The following THG1L variants were observed in gnomAD, a reference collection of about 807,000 sequenced individuals.
THG1L encodes probable tRNA(His) guanylyltransferase.
In THG1L, 27 loss-of-function variants were observed where a neutral mutation model predicts 35.2. The observed-to-expected ratio is 0.77, with a 90% CI of 0.57 to 1.06. The LOEUF (loss-of-function observed/expected upper bound fraction) is 1.06. Ranked by LOEUF, THG1L falls within the 50% of genes least tolerant of loss-of-function variation. THG1L has a pLI of 0.00. For missense variants in THG1L, 377 were observed against 371.8 expected, an observed-to-expected ratio of 1.01 and a Z score of -0.12; for synonymous variants, 135 against 132.4, an observed-to-expected ratio of 1.02 and a Z score of -0.14.
chr5:157,739,134 T>C (rs554291111), intron 5 of THG1L, among the ~76,000 whole-genome samples, 187 bp from the exon 6 acceptor site: 2 of 152,176 alleles, frequency 1.3e-5, no homozygotes, highest in East Asian at 3.9e-4. Flanking sequence ...TGAGATTTTA[T>C]ATATATATGT....
In THG1L at chr5:157,735,850, C is replaced by T. The variant is rs149783002; in HGVS notation, c.543C>T (p.His181=). 5.4e-4 allele frequency: 859 copies of T among 1,596,130 alleles called. 7 individuals carry two copies. Among genetic ancestry groups the T allele is most frequent in the Middle Eastern group, 2.0e-3 (12 of 6,016 alleles). ...DYLSWRQADC[H]INNLYNTVFW... is the part of the protein sequence containing the mutation. Reference sequence around the variant, plus strand: ...ACTATTTTGTTCTCCTCACAGGTCACATCAATAATCTTTATAATACAGTTT... The same window carrying T: ...ACTATTTTGTTCTCCTCACAGGTCATATCAATAATCTTTATAATACAGTTT... Residue 181 remains histidine (H), a synonymous_variant, in exon 4 of 6, where the codon CAC becomes CAT. Transcript: ENST00000231198.
At position 157,740,527 on chromosome 5, in the gene THG1L, T is replaced by G. The variant is rs1761007358; in HGVS notation, c.*1045T>G. 1 of 152,324 alleles carries G rather than the reference T, an allele frequency of 6.6e-6. No homozygotes were observed. Among genetic ancestry groups the G allele is most frequent in the Non-Finnish European group, 1.5e-5 (1 of 68,202 alleles). 9.4% of individuals were successfully genotyped at this position (152,324 alleles called of 1,614,324 possible). ...CTTGGCCTCTGAAGGGGGAAGGTAG[T>G]GGGAATAGGTGGTGAGAGAACTCAC... is the stretch of plus-strand genomic sequence containing the variant. On this transcript the variant is annotated 3_prime_UTR_variant, in exon 6 of 6. Coordinates refer to ENST00000231198, the MANE Select transcript of THG1L (RefSeq NM_017872.5).
At chr5:157,737,042 C>G (rs1050289056) in intron 4 of THG1L, among the ~76,000 whole-genome samples, 3 of 152,108 alleles carry the variant, frequency 2.0e-5, no homozygotes, top group African/African-American at 7.2e-5. Context: ...CAGCAGTCCG[C>G]CCACCTCAGC....
At chr5:157,733,876 G>T (rs1274600808) in intron 2 of THG1L, among the ~76,000 whole-genome samples, 1 of 152,166 alleles carries the variant, frequency 6.6e-6, no homozygotes, top group East Asian at 1.9e-4. Context: ...GGAGGTTGAG[G>T]CAGGAGGATC....
intron 5 of THG1L, among the ~76,000 whole-genome samples, 172 bp from the exon 6 acceptor site, chr5:157,739,149 A>G (rs1760963741): frequency 6.6e-6 from 1 of 152,128 alleles, no homozygotes; most frequent in African/African-American, 2.4e-5. Context: ...ATATGTATAT[A>G]TACACACATA....
intron 2 of THG1L, 52 bp downstream of exon 2, chr5:157,733,096 G>A (rs1372010400): frequency 6.3e-7 from 1 of 1,595,678 alleles, no homozygotes; most frequent in Non-Finnish European, 8.6e-7. Context: ...CCAGCATCTG[G>A]TTTTCTGTTT....
Position 157,739,669 on chromosome 5 carries a change from A to G in THG1L, c.*187A>G. 1 of 517,306 alleles carries G rather than the reference A, an allele frequency of 1.9e-6. No homozygotes were observed. 32.0% of individuals were successfully genotyped at this position (517,306 alleles called of 1,614,324 possible). On this transcript the variant is annotated 3_prime_UTR_variant, in exon 6 of 6. Coordinates refer to ENST00000231198, the MANE Select transcript of THG1L (RefSeq NM_017872.5). ...GTGGTGTATCTTACTCTGTTTAAGC[A>G]GAACACCTTGTTTGCGGTGTTGGAA...
At position 157,734,553 on chromosome 5, in the gene THG1L, C is replaced by T. The variant is rs754406421; in HGVS notation, c.369-23C>T. The T allele has an allele frequency of 6.8e-6, 11 of 1,612,416 alleles. No homozygotes were observed. In the East Asian group the frequency reaches 2.2e-4, roughly 33 times the overall value. ...TGTATTTTTCTTTTTCTTACTCCAC[C>T]CAATGTGCGTTACATTTTCAAGTAA... On this transcript the variant is annotated intron_variant, in intron 2 of 5. Coordinates refer to ENST00000231198, the MANE Select transcript of THG1L (RefSeq NM_017872.5).
At position 157,741,243 on chromosome 5, in the gene THG1L, C is replaced by T. The variant is rs757794541; in HGVS notation, c.*1761C>T. On this transcript the variant is annotated 3_prime_UTR_variant, in exon 6 of 6. Coordinates refer to ENST00000231198, the MANE Select transcript of THG1L (RefSeq NM_017872.5). Reference sequence around the variant, plus strand: ...AGAGACAGCCCGTGTCCCAGTCCCTCGTCTTGCACTGCAGAATTTACATCT... The same window carrying T: ...AGAGACAGCCCGTGTCCCAGTCCCTTGTCTTGCACTGCAGAATTTACATCT... 1 of 152,106 alleles carries T rather than the reference C, an allele frequency of 6.6e-6. No homozygotes were observed. The highest frequency in any genetic ancestry group is 1.5e-5 in the Non-Finnish European group (1 of 68,042). 9.4% of individuals were successfully genotyped at this position (152,106 alleles called of 1,614,324 possible).
intron 3 of THG1L, among the ~76,000 whole-genome samples, chr5:157,735,575 T>G (rs1385478442): frequency 6.6e-6 from 1 of 152,222 alleles, no homozygotes; most frequent in Non-Finnish European, 1.5e-5. Flanking sequence ...AAATAACTTC[T>G]AAAGTATTCC....
Position 157,734,595 on chromosome 5 carries a change from G to A in THG1L, c.388G>A (p.Ala130Thr), listed in dbSNP as rs146534011. The change falls in exon 3 of 6, where the codon GCC (alanine) becomes ACC (threonine). Residue 130 changes from alanine to threonine, a missense_variant. Coordinates refer to ENST00000231198, the MANE Select transcript of THG1L (RefSeq NM_017872.5). ...RRASKFMTHV[A>T]SQFASSYVFY... ...TTCAAGTAAGTTCATGACTCACGTG[G>A]CCTCCCAGTTTGCCTCCAGCTATGT... 786 of 1,614,066 alleles carry A rather than the reference G, an allele frequency of 4.9e-4. 1 individual carries two copies. In the Middle Eastern group the frequency reaches 5.3e-3, roughly 11 times the overall value.
At position 157,732,976 on chromosome 5, in the gene THG1L, G is replaced by A. The variant is rs769712848; in HGVS notation, c.300G>A (p.Ala100=). 41 of 1,614,212 alleles carry A rather than the reference G, an allele frequency of 2.5e-5. No homozygotes were observed. In the East Asian group the frequency reaches 5.6e-4, roughly 22 times the overall value. The part of the protein sequence containing the change: ...VMEELEDIVI[A]YGQSDEYSFV... ...AAGAACTAGAGGATATTGTGATCGC[G>A]TATGGACAGAGTGATGAGTACAGCT... Residue 100 remains alanine (A), a synonymous_variant, in exon 2 of 6, where the codon GCG becomes GCA. Transcript: ENST00000231198.
At chr5:157,734,554 C>G (rs1255987226) in intron 2 of THG1L, 22 bp from the exon 3 acceptor site, 6 of 1,612,786 alleles carry the variant, frequency 3.7e-6, no homozygotes, top group Non-Finnish European at 5.1e-6. Context: ...TTACTCCACC[C>G]AATGTGCGTT....
At position 157,731,577 on chromosome 5, in the gene THG1L, C is replaced by T. The variant is rs746295635; in HGVS notation, c.137C>T (p.Thr46Ile). 2.5e-6 allele frequency: 4 copies of T among 1,611,630 alleles called. No homozygotes were observed. The highest frequency in any genetic ancestry group is 2.2e-5 in the East Asian group (1 of 44,700). The change falls in exon 1 of 6, where the codon ACC (threonine) becomes ATC (isoleucine). Residue 46 changes from threonine to isoleucine, a missense_variant. Thr to Ile is a moderately conservative substitution (Grantham distance 89, BLOSUM62 -1). Coordinates refer to ENST00000231198, the MANE Select transcript of THG1L (RefSeq NM_017872.5). ...EYVRDFEADD[T>I]CLAHCWVVVR... ...GTGAGGGACTTCGAGGCTGACGACA[C>T]CTGCCTGGCACACTGCTGGGTGGTA...
chr5:157,734,897 G>T, intron 3 of THG1L, 152 bp downstream of exon 3: 8 of 835,380 alleles, frequency 9.6e-6, no homozygotes, highest in East Asian at 3.2e-5. Flanking sequence ...TTAGTTAAAA[G>T]TATTTGAAAA....
intron 4 of THG1L, 88 bp downstream of exon 4, chr5:157,736,022 CT>C (rs1760863095): frequency 2.3e-6 from 2 of 883,700 alleles, no homozygotes; most frequent in Admixed American, 5.3e-5. Context: ...ATTTACATTT[CT>C]TTCTTTTAAG....
intron 5 of THG1L, chr5:157,738,497 A>G (rs1752707552): frequency 5.6e-6 from 2 of 359,244 alleles, no homozygotes; most frequent in Non-Finnish European, 1.1e-5. Context: ...ACATTTACCT[A>G]TATCCTTAAT....
rs374541139 is a variant in THG1L at position 157,738,136 on chromosome 5, G to C, written c.735+142G>C. 47 of 637,196 alleles carry C rather than the reference G, an allele frequency of 7.4e-5. 2 individuals are homozygous for C. The highest frequency in any genetic ancestry group is 1.7e-4 in the Admixed American group (5 of 29,070). 39.5% of individuals were successfully genotyped at this position (637,196 alleles called of 1,614,324 possible). A position where few individuals can be genotyped will look rare whatever the true frequency, so the allele number is the denominator to read the frequency against. ...AACCTTTCCAAGAGGAGAGGCCATAGATTCTTATTTTTAATGTGCATTTTG... is the reference window on the plus strand; with the variant it reads ...AACCTTTCCAAGAGGAGAGGCCATACATTCTTATTTTTAATGTGCATTTTG... On this transcript the variant is annotated intron_variant, in intron 5 of 5. Coordinates refer to ENST00000231198, the MANE Select transcript of THG1L (RefSeq NM_017872.5).
chr5:157,737,855 A>G, intron 4 of THG1L, 32 bp from the exon 5 acceptor site: 15 of 1,568,542 alleles, frequency 9.6e-6, no homozygotes, highest in Non-Finnish European at 1.2e-5. Flanking sequence ...GAAGACATGC[A>G]GAGCTTTTAA....
Sources: gnomAD v4.1 joint callset for allele counts (sites outside exome capture counted in the v4.1 genomes callset) on GRCh38, gnomAD v4.1.1 for gene constraint, MANE v1.5 for transcripts, NCBI Gene and HGNC (gene_info 2026-07-23, HGNC 2026-07-21) for gene names.